The following COL5A1 variants were observed in gnomAD, a reference collection of about 807,000 sequenced individuals.
COL5A1 encodes the protein collagen alpha-1(V) chain.
In COL5A1, 16 loss-of-function variants were observed where a neutral mutation model predicts 263.7. That is an observed-to-expected ratio of 0.06 (90% CI 0.04 to 0.09). The LOEUF (loss-of-function observed/expected upper bound fraction) is 0.09, where lower values mean the gene tolerates loss of function less well. COL5A1 is among the 10% of genes least tolerant of loss of function. The pLI is 1.00. For synonymous variants in COL5A1, 1,012 were observed against 1,004.5 expected (o/e 1.01, Z -0.14); for missense variants, 2,036 against 2,540.5 (o/e 0.80, Z 4.27).
intron 2 of COL5A1, among the ~76,000 whole-genome samples, chr9:134,698,850 C>T (rs1300337538): frequency 6.6e-6 from 1 of 152,224 alleles, no homozygotes; most frequent in Non-Finnish European, 1.5e-5. Flanking sequence ...CACGATGGCT[C>T]AAGCCCACCC....
At chr9:134,824,569 C>T (rs1182484041) in intron 61 of COL5A1, 31 bp from the exon 62 acceptor site, 1 of 1,612,744 alleles carries the variant, frequency 6.2e-7, no homozygotes, top group Non-Finnish European at 8.5e-7. Context: ...CATCCTCCAT[C>T]ACCCACCGCT....
chr9:134,735,438 G>A (rs1037376469), intron 9 of COL5A1, among the ~76,000 whole-genome samples: 7 of 151,914 alleles, frequency 4.6e-5, no homozygotes, highest in African/African-American at 1.2e-4. Flanking sequence ...TTCCTCTTTC[G>A]CTGGGTCAAT....
chr9:134,680,135 G>A lies in COL5A1; in HGVS notation c.110-10777G>A, dbSNP rs940014232. ...ACTACCCCGGAGGCCCTTTGGACGG[G>A]CCCTTCATTCTTCAGCAAGGAATGA... On this transcript the variant is annotated intron_variant, in intron 1 of 65. Transcript: ENST00000371817. This position sits in a 1 kb window ranked among gnomAD's most constrained non-coding sequence, Gnocchi z 5.9. 1.3e-5 allele frequency among the ~76,000 whole-genome samples: 2 copies of A among 152,140 alleles called. No homozygotes were observed. Among genetic ancestry groups the A allele is most frequent in the African/African-American group, 4.8e-5 (2 of 41,414 alleles).
At chr9:134,701,369 A>G (rs754546970) in intron 4 of COL5A1, 36 bp downstream of exon 4, 5 of 1,598,338 alleles carry the variant, frequency 3.1e-6, no homozygotes, top group Non-Finnish European at 4.3e-6. Flanking sequence ...TGTGCCCACC[A>G]GGGCACTCCT....
chr9:134,774,829 G>T, intron 26 of COL5A1, 30 bp from the exon 27 acceptor site: 1 of 1,611,058 alleles, frequency 6.2e-7, no homozygotes, highest in Non-Finnish European at 8.5e-7. Flanking sequence ...ACTGGCATGG[G>T]GCTAACGGTC....
rs186654380 is a variant in COL5A1, at chr9:134,642,333, G to A, written c.109+37G>A. ...CCGGGGCGCGGGGCTGCGGGATGGGGCGCGCGCAGCCCGGGCGCCGCTGTC... is the reference window on the plus strand; with the variant it reads ...CCGGGGCGCGGGGCTGCGGGATGGGACGCGCGCAGCCCGGGCGCCGCTGTC... On this transcript the variant is annotated intron_variant, in intron 1 of 65. Coordinates refer to ENST00000371817, the MANE Select transcript of COL5A1 (RefSeq NM_000093.5). This position sits in a 1 kb window ranked among gnomAD's most constrained non-coding sequence, Gnocchi z 4.5. 5.7e-3 allele frequency: 3,299 copies of A among 577,878 alleles called. 93 individuals are homozygous for A. In the African/African-American group the frequency reaches 0.059, roughly 10 times the overall value. 35.8% of individuals were successfully genotyped at this position (577,878 alleles called of 1,614,324 possible).
chr9:134,693,391 A>AT (rs970390236), intron 2 of COL5A1, among the ~76,000 whole-genome samples: 5 of 151,732 alleles, frequency 3.3e-5, no homozygotes, highest in Admixed American at 6.6e-5. Context: ...AGTCTGCGGG[A>AT]TTTTTTTTTA....
intron 1 of COL5A1, among the ~76,000 whole-genome samples, chr9:134,687,916 G>A (rs1833135857): frequency 6.6e-6 from 1 of 152,194 alleles, no homozygotes; most frequent in South Asian, 2.1e-4. Flanking sequence ...CTGGTGGGGG[G>A]TGCCACTGGC....
chr9:134,719,542 C>A (rs1018970859), intron 4 of COL5A1, among the ~76,000 whole-genome samples: 3 of 152,232 alleles, frequency 2.0e-5, no homozygotes, highest in African/African-American at 4.8e-5. Context: ...GGCTTCCCTG[C>A]GTCCAGTGGG....
chr9:134,827,050 C>G (rs1839311998), intron 63 of COL5A1, among the ~76,000 whole-genome samples: 1 of 152,174 alleles, frequency 6.6e-6, no homozygotes, highest in African/African-American at 2.4e-5. Flanking sequence ...AACGGCCTCT[C>G]CTTCATGAGC....
rs569266247 is a variant in COL5A1 at position 134,840,329 on chromosome 9, G to T, written c.5371-1828G>T. Among the ~76,000 whole-genome samples the T allele has an allele frequency of 1.1e-3, 164 of 152,302 alleles. 3 individuals are homozygous for T. The highest frequency in any genetic ancestry group is 1.7e-3 in the African/African-American group (70 of 41,554). On this transcript the variant is annotated intron_variant, in intron 65 of 65. Coordinates refer to ENST00000371817, the MANE Select transcript of COL5A1 (RefSeq NM_000093.5). ...GAAGGGCAGGGTCAGGGGAGAAGTG[G>T]ACATTAGGAGGTGAAGTTTGGGACT...
intron 53 of COL5A1, among the ~76,000 whole-genome samples, chr9:134,817,329 A>G (rs1838795114): frequency 6.6e-6 from 1 of 152,242 alleles, no homozygotes; most frequent in African/African-American, 2.4e-5. Context: ...GGTGGGAGAA[A>G]GACACCCGCA....
Position 134,741,227 on chromosome 9 carries a change from G to T in COL5A1, c.1494+2419G>T, listed in dbSNP as rs1835291924. Among the ~76,000 whole-genome samples the T allele has an allele frequency of 6.6e-6, 1 of 152,256 alleles. No homozygotes were observed. Among genetic ancestry groups the T allele is most frequent in the Non-Finnish European group, 1.5e-5 (1 of 68,044 alleles). On this transcript the variant is annotated intron_variant, in intron 11 of 65. Transcript: ENST00000371817. The surrounding 1 kb of genome is among the most constrained non-coding windows in gnomAD (Gnocchi z 4.5). ...GCGGCGGAGAAACAACATTGTCTCT[G>T]CCCTCGGAGGTTGAGCATCTGGGGC...
At chr9:134,711,199 G>C (rs549652867) in intron 4 of COL5A1, among the ~76,000 whole-genome samples, 1 of 152,096 alleles carries the variant, frequency 6.6e-6, no homozygotes, top group African/African-American at 2.4e-5. Flanking sequence ...GAGTCAGCTC[G>C]GAGGCCAGGT....
chr9:134,760,655 A>ACACACC lies in COL5A1; in HGVS notation c.1936-1265_1936-1264insCCACAC, dbSNP rs1326485053. ...CCCCCACACTCATACACTCATGCAC[A>ACACACC]CACACACACCACACATGCACACCCC... On this transcript the variant is annotated intron_variant, in intron 18 of 65. Transcript: ENST00000371817. Among the ~76,000 whole-genome samples, 1,068 of 118,974 alleles carry ACACACC rather than the reference A, an allele frequency of 9.0e-3. 75 individuals are homozygous for ACACACC. The highest frequency in any genetic ancestry group is 0.036 in the African/African-American group (1,004 of 28,214). The allele number at this position is 118,974 out of a possible 152,430, so 78.1% of individuals were successfully genotyped here.
chr9:134,682,967 A>G lies in COL5A1; in HGVS notation c.110-7945A>G, dbSNP rs74831806. Among the ~76,000 whole-genome samples the G allele has an allele frequency of 0.011, 1,743 of 152,280 alleles. 29 individuals are homozygous for G. Among genetic ancestry groups the G allele is most frequent in the African/African-American group, 0.039 (1,627 of 41,552 alleles). On this transcript the variant is annotated intron_variant, in intron 1 of 65. Transcript: ENST00000371817. This position sits in a 1 kb window ranked among gnomAD's most constrained non-coding sequence, Gnocchi z 5.1. The stretch of plus-strand genomic sequence containing the variant: ...TTTAGGGGAAAAAAAGGAATTAGAG[A>G]AAAAGATCCAATGCAGACCCCAGCA...
At chr9:134,827,084 G>C (rs150469847) in intron 63 of COL5A1, among the ~76,000 whole-genome samples, 1 of 152,330 alleles carries the variant, frequency 6.6e-6, no homozygotes, top group Non-Finnish European at 1.5e-5. Flanking sequence ...GTGGCCCCAG[G>C]CAAAGGCCGC....
In COL5A1 at chr9:134,759,835, CA is replaced by C. The variant is rs758172063; in HGVS notation, c.1935+1540del. 3.2e-4 allele frequency among the ~76,000 whole-genome samples: 28 copies of C among 87,848 alleles called. 2 individuals carry two copies. In the East Asian group the frequency reaches 0.013, roughly 41 times the overall value. The allele number at this position is 87,848 out of a possible 152,430, so 57.6% of individuals were successfully genotyped here. On this transcript the variant is annotated intron_variant, in intron 18 of 65. Coordinates refer to ENST00000371817, the MANE Select transcript of COL5A1 (RefSeq NM_000093.5). ...ACACGCATACACACCCACACCCCCC[CA>C]CTCACGCACACCCCCACACCCCCAC...
At chr9:134,806,133 C>T in intron 41 of COL5A1, 56 bp from the exon 42 acceptor site, 1 of 1,321,558 alleles carries the variant, frequency 7.6e-7, no homozygotes, top group Non-Finnish European at 1.1e-6. Context: ...TTTACAAAGT[C>T]ACGACCACGC....
Sources: allele counts gnomAD v4.1 joint callset (sites outside exome capture counted in the v4.1 genomes callset), GRCh38; gene constraint gnomAD v4.1.1; non-coding constraint Gnocchi (gnomAD v3.1); transcripts MANE v1.5; gene names NCBI Gene and HGNC (gene_info 2026-07-23, HGNC 2026-07-21).